Variants in VOPP1 observed in about 807,000 individuals in gnomAD.
VOPP1 encodes the protein VOPP1 WW domain binding protein.
A neutral mutation model predicts 23.5 loss-of-function variants in VOPP1; 8 were observed. The observed-to-expected ratio is 0.34, with a 90% CI of 0.20 to 0.61. The LOEUF (loss-of-function observed/expected upper bound fraction) is 0.61. VOPP1 is among the 20% of genes least tolerant of loss of function. The pLI, the probability that VOPP1 is intolerant of heterozygous loss-of-function variation, is 0.78. For missense variants in VOPP1, 174 were observed against 238.1 expected, an observed-to-expected ratio of 0.73 and a Z score of 1.77; for synonymous variants, 83 against 97.3, an observed-to-expected ratio of 0.85 and a Z score of 0.86.
At chr7:55,477,805 C>G (rs533195639) in intron 4 of VOPP1, among the ~76,000 whole-genome samples, 11 of 152,152 alleles carry the variant, frequency 7.2e-5, no homozygotes, top group South Asian at 2.1e-4. Context: ...GAACATGAAC[C>G]CTTAGGTTAA....
intron 4 of VOPP1, among the ~76,000 whole-genome samples, chr7:55,457,965 A>G (rs941986253): frequency 1.3e-5 from 2 of 151,732 alleles, no homozygotes; most frequent in African/African-American, 4.8e-5. Context: ...CCATTTGTCT[A>G]TTTTTGTTTT....
intron 4 of VOPP1, among the ~76,000 whole-genome samples, chr7:55,436,772 T>C (rs1790840909): frequency 6.6e-6 from 1 of 152,176 alleles, no homozygotes; most frequent in Non-Finnish European, 1.5e-5. Context: ...GGAGCAAAGA[T>C]GTCCTAAACC....
At chr7:55,452,882 T>G (rs1388809036) in intron 4 of VOPP1, among the ~76,000 whole-genome samples, 1 of 152,242 alleles carries the variant, frequency 6.6e-6, no homozygotes, top group Non-Finnish European at 1.5e-5. Context: ...ATTTTTAGAA[T>G]GATAAACGAG....
intron 1 of VOPP1, among the ~76,000 whole-genome samples, chr7:55,545,041 A>G (rs563190502): frequency 4.6e-5 from 7 of 152,352 alleles, no homozygotes; most frequent in Middle Eastern, 3.4e-3. Flanking sequence ...TATGTGTATT[A>G]TTTTAAAATG....
rs556448636 is a variant in VOPP1, at chr7:55,487,765, C to T, written c.328+4517G>A. Reference sequence around the variant, plus strand: ...ATAATATTCCACAAAGAAGATGGACCATAATTCAATCATCGTTTTCTTTGG... The same window carrying T: ...ATAATATTCCACAAAGAAGATGGACTATAATTCAATCATCGTTTTCTTTGG... On this transcript the variant is annotated intron_variant, in intron 4 of 4. Transcript: ENST00000285279. Among the ~76,000 whole-genome samples the T allele has an allele frequency of 3.9e-5, 6 of 152,328 alleles. No homozygotes were observed. In the East Asian group the frequency reaches 1.2e-3, roughly 29 times the overall value.
downstream of VOPP1, among the ~76,000 whole-genome samples, chr7:55,466,244 T>C (rs1791628939): frequency 6.6e-6 from 1 of 152,260 alleles, no homozygotes; most frequent in African/African-American, 2.4e-5. Flanking sequence ...TATTTTGTTA[T>C]AGCAGCCTGA....
At chr7:55,538,368 A>G (rs1430497871) in intron 1 of VOPP1, among the ~76,000 whole-genome samples, 1 of 152,200 alleles carries the variant, frequency 6.6e-6, no homozygotes, top group Non-Finnish European at 1.5e-5. Flanking sequence ...ATGAAGCTGC[A>G]AAGAATATAT....
chr7:55,495,343 C>T (rs1793877735), intron 3 of VOPP1, among the ~76,000 whole-genome samples: 1 of 152,206 alleles, frequency 6.6e-6, no homozygotes, highest in Non-Finnish European at 1.5e-5. Flanking sequence ...TCTTTCAAAA[C>T]CTTTGTTTTA....
chr7:55,494,670 G>C (rs768094404), intron 3 of VOPP1, among the ~76,000 whole-genome samples: 22 of 152,272 alleles, frequency 1.4e-4, no homozygotes, highest in Non-Finnish European at 2.9e-4. Flanking sequence ...GGTAGAGACG[G>C]AGTCTCACTA....
chr7:55,542,110 T>C (rs988822254), intron 1 of VOPP1, among the ~76,000 whole-genome samples: 2 of 152,220 alleles, frequency 1.3e-5, no homozygotes, highest in East Asian at 1.9e-4. Flanking sequence ...AAATCCAGCA[T>C]GTATTTTTTT....
chr7:55,546,131 T>C (rs946682600), intron 1 of VOPP1, among the ~76,000 whole-genome samples: 1 of 152,162 alleles, frequency 6.6e-6, no homozygotes, highest in African/African-American at 2.4e-5. Flanking sequence ...TAAGCCCAGC[T>C]GTTCAATCAG....
chr7:55,484,001 C>T (rs1562910025), intron 4 of VOPP1, among the ~76,000 whole-genome samples: 1 of 152,202 alleles, frequency 6.6e-6, no homozygotes, highest in Non-Finnish European at 1.5e-5. Context: ...AGGTGATCCA[C>T]CTGCCTCAGC....
rs112517427 is a variant in VOPP1, at chr7:55,442,259, G to A, written n.418-6085C>T. ...CCATCAGACCTTAATTTATGAGAGT[G>A]GCATCCAGACATTTCAAAGTCAAGG... On this transcript the variant is annotated intron_variant and non_coding_transcript_variant, in intron 4 of 4. Transcript: ENST00000462326. Among the ~76,000 whole-genome samples the A allele has an allele frequency of 9.8e-3, 1,494 of 152,120 alleles. 20 individuals are homozygous for A. Among genetic ancestry groups the A allele is most frequent in the African/African-American group, 0.033 (1,360 of 41,484 alleles).
chr7:55,537,414 T>G (rs1796862976), intron 1 of VOPP1: 2 of 1,514,978 alleles, frequency 1.3e-6, no homozygotes, highest in Admixed American at 2.0e-5. Context: ...AACACATAAC[T>G]GCCCACCATG....
At chr7:55,477,340 C>T (rs369397651) in intron 4 of VOPP1, among the ~76,000 whole-genome samples, 1 of 152,176 alleles carries the variant, frequency 6.6e-6, no homozygotes, top group East Asian at 1.9e-4. Context: ...CATAAATACA[C>T]GGGAGGAGTG....
chr7:55,473,231 T>C (rs1791974117), intron 4 of VOPP1, among the ~76,000 whole-genome samples, 186 bp from the exon 5 acceptor site: 2 of 152,178 alleles, frequency 1.3e-5, no homozygotes, highest in Non-Finnish European at 2.9e-5. Context: ...GGCAGGTCCC[T>C]GCCCTCTCGG....
chr7:55,552,297 ACCT>A (rs564641150), intron 1 of VOPP1, among the ~76,000 whole-genome samples: 68 of 152,260 alleles, frequency 4.5e-4, no homozygotes, highest in Middle Eastern at 6.8e-3. Flanking sequence ...TGATTTTAAA[ACCT>A]CCGTACAAAA....
chr7:55,444,772 T>C (rs1380630945), intron 4 of VOPP1, among the ~76,000 whole-genome samples: 1 of 152,130 alleles, frequency 6.6e-6, no homozygotes, highest in Non-Finnish European at 1.5e-5. Context: ...AATTTTCTCT[T>C]AACAAAACTC....
intron 4 of VOPP1, among the ~76,000 whole-genome samples, chr7:55,457,179 C>G (rs112920554): frequency 0.012 from 1,831 of 152,240 alleles, 13 homozygotes; most frequent in Admixed American, 0.021. Flanking sequence ...ATATTGCTGA[C>G]AACATGTGAT....
Sources: gnomAD v4.1 joint callset for allele counts (sites outside exome capture counted in the v4.1 genomes callset) on GRCh38, gnomAD v4.1.1 for gene constraint, MANE v1.5 for transcripts, NCBI Gene and HGNC (gene_info 2026-07-23, HGNC 2026-07-21) for gene names.